CDH10: variants seen among roughly 807,000 people sequenced by gnomAD.
CDH10 encodes the protein cadherin 10, also known as cadherin-10.
In CDH10, 30 loss-of-function variants were observed where a neutral mutation model predicts 73.1. The ratio of observed to expected loss-of-function variants is 0.41; its 90% CI spans 0.31 to 0.56. The LOEUF (loss-of-function observed/expected upper bound fraction) is 0.56, where lower values mean the gene tolerates loss of function less well. Among genes scored for constraint, CDH10 ranks in the 20% least tolerant of loss-of-function variants. The pLI is 0.27. For missense variants in CDH10, 815 were observed against 973.7 expected (o/e 0.84, Z 2.17); for synonymous variants, 345 against 348.2 (o/e 0.99, Z 0.10).
intron 2 of CDH10, among the ~76,000 whole-genome samples, chr5:24,571,973 T>TA (rs200001581): frequency 0.062 from 8,911 of 143,442 alleles, 301 homozygotes; most frequent in Middle Eastern, 0.12. Flanking sequence ...CTGCTACAAA[T>TA]AAAAAAAAAA....
At chr5:24,491,855 T>C (rs1274023695) in intron 10 of CDH10, 28 bp from the exon 11 acceptor site, 1 of 1,476,286 alleles carries the variant, frequency 6.8e-7, no homozygotes, top group Admixed American at 1.8e-5. Flanking sequence ...ATATTACAAA[T>C]GGTTTGGGAT....
intron 8 of CDH10, among the ~76,000 whole-genome samples, chr5:24,499,803 C>A (rs1488285110): frequency 2.0e-5 from 3 of 152,062 alleles, no homozygotes; most frequent in Non-Finnish European, 4.4e-5. Context: ...GTTATAATTG[C>A]ATTTTTCCTA....
At chr5:24,493,776 A>G (rs981576440) in intron 9 of CDH10, among the ~76,000 whole-genome samples, 8 of 151,978 alleles carry the variant, frequency 5.3e-5, no homozygotes, top group Non-Finnish European at 1.2e-4. Flanking sequence ...TGATGCCTAC[A>G]TAGTCAAATT....
At chr5:24,613,802 G>A (rs896277051) in intron 1 of CDH10, among the ~76,000 whole-genome samples, 1 of 151,790 alleles carries the variant, frequency 6.6e-6, no homozygotes, top group African/African-American at 2.4e-5. Context: ...TTTCGAACTG[G>A]GTATTTATTG....
At chr5:24,600,529 T>C (rs16893610) in intron 1 of CDH10, among the ~76,000 whole-genome samples, 4,773 of 152,088 alleles carry the variant, frequency 0.031, 135 homozygotes, top group East Asian at 0.071. Flanking sequence ...ACACGGGTGG[T>C]CTGAGAAATC....
chr5:24,625,619 A>G (rs1228714079), intron 1 of CDH10, among the ~76,000 whole-genome samples: 1 of 148,938 alleles, frequency 6.7e-6, no homozygotes, highest in Non-Finnish European at 1.5e-5. Context: ...ATATATTCAC[A>G]AATATGAATA....
intron 1 of CDH10, among the ~76,000 whole-genome samples, chr5:24,615,356 A>G (rs1384054483): frequency 6.6e-6 from 1 of 152,198 alleles, no homozygotes; most frequent in Non-Finnish European, 1.5e-5. Flanking sequence ...CTTCAAAGAC[A>G]TTCTTGATCA....
chr5:24,596,100 A>T (rs1025461924), intron 1 of CDH10, among the ~76,000 whole-genome samples: 29 of 152,144 alleles, frequency 1.9e-4, no homozygotes, highest in African/African-American at 6.0e-4. Context: ...ACACGGTTAA[A>T]TAAAAATAGA....
intron 8 of CDH10, among the ~76,000 whole-genome samples, chr5:24,499,081 T>C (rs1456098910): frequency 6.6e-6 from 1 of 152,198 alleles, no homozygotes; most frequent in African/African-American, 2.4e-5. Flanking sequence ...GTGGTAACTG[T>C]TATAAAACCT....
intron 8 of CDH10, among the ~76,000 whole-genome samples, 161 bp downstream of exon 8, chr5:24,504,951 T>C (rs1040562024): frequency 1.3e-5 from 2 of 152,088 alleles, no homozygotes; most frequent in African/African-American, 4.8e-5. Context: ...GTAAGAAATA[T>C]TGAAAAAAAG....
chr5:24,502,048 AG>A (rs1742517291), intron 8 of CDH10, among the ~76,000 whole-genome samples: 1 of 124,220 alleles, frequency 8.1e-6, no homozygotes. Context: ...CCTCCCGGTA[AG>A]CTTGGGACTA....
rs551991882 is a variant in CDH10, at chr5:24,542,265, T to C, written c.232-4591A>G. 7.9e-5 allele frequency among the ~76,000 whole-genome samples: 12 copies of C among 152,304 alleles called. No homozygotes were observed. The South Asian group carries it at 2.1e-3, about 26-fold the overall frequency. On this transcript the variant is annotated intron_variant, in intron 2 of 11. Transcript: ENST00000264463. Reference sequence around the variant, plus strand: ...TGAAATAAGCTTACACGTAAGTATATGGACAGTGTTGGTAAAACATTTTAG... The same window carrying C: ...TGAAATAAGCTTACACGTAAGTATACGGACAGTGTTGGTAAAACATTTTAG...
intron 2 of CDH10, among the ~76,000 whole-genome samples, chr5:24,565,570 G>A (rs2112004650): frequency 6.6e-6 from 1 of 152,284 alleles, no homozygotes; most frequent in East Asian, 1.9e-4. Context: ...TTATGGACTA[G>A]ATGTTTTTGA....
chr5:24,623,758 G>A (rs933387908), intron 1 of CDH10, among the ~76,000 whole-genome samples: 1 of 152,154 alleles, frequency 6.6e-6, no homozygotes. Context: ...AATTCCAAAT[G>A]CAATTGCAGG....
chr5:24,571,173 T>G (rs1745368552), intron 2 of CDH10, among the ~76,000 whole-genome samples: 1 of 152,146 alleles, frequency 6.6e-6, no homozygotes, highest in African/African-American at 2.4e-5. Context: ...CTCAGTAATC[T>G]GAGGACTGTA....
chr5:24,562,950 G>A (rs547521339), intron 2 of CDH10, among the ~76,000 whole-genome samples: 1 of 152,266 alleles, frequency 6.6e-6, no homozygotes, highest in Non-Finnish European at 1.5e-5. Context: ...CAATTCAGTT[G>A]GCATTTCTTA....
intron 2 of CDH10, among the ~76,000 whole-genome samples, chr5:24,538,669 C>T (rs1372672983): frequency 6.6e-6 from 1 of 150,612 alleles, no homozygotes; most frequent in Non-Finnish European, 1.5e-5. Flanking sequence ...TGAGTCTAAC[C>T]TTTGGGCAAT....
At chr5:24,509,240 C>CT (rs35903930) in intron 7 of CDH10, among the ~76,000 whole-genome samples, 34,584 of 85,094 alleles carry the variant, frequency 0.41, 9,313 homozygotes, top group East Asian at 0.64. Context: ...CTCCTTTTTC[C>CT]TTTTTTTTTT....
At chr5:24,582,587 TA>T (rs1385385264) in intron 2 of CDH10, among the ~76,000 whole-genome samples, 1 of 152,174 alleles carries the variant, frequency 6.6e-6, no homozygotes, top group Non-Finnish European at 1.5e-5. Context: ...ATTTATTTGT[TA>T]AAGTGTATAC....
Sources: gnomAD v4.1 joint callset for allele counts (sites outside exome capture counted in the v4.1 genomes callset) on GRCh38, gnomAD v4.1.1 for gene constraint, MANE v1.5 for transcripts, NCBI Gene and HGNC (gene_info 2026-07-23, HGNC 2026-07-21) for gene names.